The following NRXN3 variants were observed in gnomAD, a reference collection of about 807,000 sequenced individuals.
NRXN3 encodes the protein neurexin III.
Under a neutral mutation model 137.6 loss-of-function variants are expected in NRXN3, and 32 were observed. The observed-to-expected ratio is 0.23, with a 90% CI of 0.18 to 0.31. The LOEUF is 0.31. Ranked by LOEUF, NRXN3 falls within the 10% of genes least tolerant of loss-of-function variation. The pLI, the probability that NRXN3 is intolerant of heterozygous loss-of-function variation, is 1.00. For synonymous variants in NRXN3, 798 were observed against 784.5 expected (o/e 1.02, Z -0.29); for missense variants, 1,574 against 2,062.5 (o/e 0.76, Z 4.59).
At chr14:79,253,758 T>C (rs1358483057) in intron 15 of NRXN3, among the ~76,000 whole-genome samples, 1 of 152,168 alleles carries the variant, frequency 6.6e-6, no homozygotes, top group Non-Finnish European at 1.5e-5. Flanking sequence ...ACTCACTCAC[T>C]ATCATGAGAA....
At chr14:78,615,276 A>G (rs771522516) in intron 4 of NRXN3, among the ~76,000 whole-genome samples, 4 of 152,076 alleles carry the variant, frequency 2.6e-5, no homozygotes. Flanking sequence ...CAAAGATTGA[A>G]CAGATTTATT....
intron 8 of NRXN3, among the ~76,000 whole-genome samples, chr14:78,789,927 C>T (rs936699127): frequency 9.9e-5 from 15 of 152,058 alleles, no homozygotes; most frequent in Admixed American, 5.9e-4. Context: ...CTGTTTGAGT[C>T]TACAACACCC....
chr14:79,027,126 T>A (rs2099599964), intron 15 of NRXN3, among the ~76,000 whole-genome samples: 1 of 151,020 alleles, frequency 6.6e-6, no homozygotes, highest in Non-Finnish European at 1.5e-5. Context: ...CCTATATCTG[T>A]AGATATTTTA....
chr14:78,877,616 A>C (rs1473269492), intron 10 of NRXN3, among the ~76,000 whole-genome samples: 2 of 152,210 alleles, frequency 1.3e-5, no homozygotes, highest in Non-Finnish European at 2.9e-5. Context: ...AATAATGCTC[A>C]ACAAATATTT....
intron 19 of NRXN3, among the ~76,000 whole-genome samples, chr14:79,760,262 G>C (rs971266798): frequency 3.3e-5 from 5 of 151,562 alleles, no homozygotes; most frequent in Admixed American, 3.3e-4. Flanking sequence ...TAGTTAGAAA[G>C]TCTGAGAACA....
At chr14:79,093,995 T>G (rs1480432711) in intron 15 of NRXN3, among the ~76,000 whole-genome samples, 1 of 152,144 alleles carries the variant, frequency 6.6e-6, no homozygotes, top group Non-Finnish European at 1.5e-5. Context: ...AACCCAAATA[T>G]GCATTTATCA....
At chr14:79,683,512 G>C (rs1383298149) in intron 17 of NRXN3, among the ~76,000 whole-genome samples, 2 of 152,188 alleles carry the variant, frequency 1.3e-5, no homozygotes, top group Non-Finnish European at 2.9e-5. Flanking sequence ...ACCTGCCTGT[G>C]TTCCATCATT....
At chr14:79,533,523 T>C (rs1324034912) in intron 16 of NRXN3, among the ~76,000 whole-genome samples, 2 of 152,178 alleles carry the variant, frequency 1.3e-5, no homozygotes, top group Non-Finnish European at 2.9e-5. Context: ...AATTATGCTG[T>C]TATCTCCTAA....
At chr14:79,707,487 G>C (rs1356285725) in intron 19 of NRXN3, among the ~76,000 whole-genome samples, 3 of 141,788 alleles carry the variant, frequency 2.1e-5, no homozygotes, top group African/African-American at 7.7e-5. Flanking sequence ...AGGGTCCTTT[G>C]TGGAGCTATG....
chr14:78,263,715 T>G (rs1189577167), intron 2 of NRXN3, among the ~76,000 whole-genome samples: 1 of 152,212 alleles, frequency 6.6e-6, no homozygotes, highest in Non-Finnish European at 1.5e-5. Flanking sequence ...CTTCTACTAT[T>G]GTGAATGTTC....
chr14:78,781,117 TAGTG>T (rs1236147368), intron 8 of NRXN3, among the ~76,000 whole-genome samples: 2 of 152,182 alleles, frequency 1.3e-5, no homozygotes, highest in African/African-American at 4.8e-5. Context: ...CATGCAACAT[TAGTG>T]AACCTCACAG....
At chr14:79,374,021 G>T (rs560077715) in intron 15 of NRXN3, among the ~76,000 whole-genome samples, 1 of 152,050 alleles carries the variant, frequency 6.6e-6, no homozygotes, top group Non-Finnish European at 1.5e-5. Context: ...TCTATTTGTA[G>T]CAGAGTAACT....
intron 2 of NRXN3, among the ~76,000 whole-genome samples, chr14:78,273,229 G>C (rs2073064783): frequency 6.6e-6 from 1 of 152,212 alleles, no homozygotes; most frequent in African/African-American, 2.4e-5. Flanking sequence ...CCAGGATTCA[G>C]GTTCTGGCTC....
intron 15 of NRXN3, among the ~76,000 whole-genome samples, chr14:79,167,697 C>T (rs76899805): frequency 0.034 from 5,224 of 151,484 alleles, 250 homozygotes; most frequent in East Asian, 0.23. Flanking sequence ...ATTTTTTATG[C>T]CTCAACATTT....
chr14:79,608,830 G>A (rs955983798), intron 16 of NRXN3, among the ~76,000 whole-genome samples: 13 of 151,756 alleles, frequency 8.6e-5, no homozygotes, highest in African/African-American at 2.9e-4. Context: ...CTTTATGTAA[G>A]AGTCTCAGGA....
At chr14:78,917,425 C>T (rs2099258431) in intron 10 of NRXN3, among the ~76,000 whole-genome samples, 1 of 152,092 alleles carries the variant, frequency 6.6e-6, no homozygotes, top group Non-Finnish European at 1.5e-5. Flanking sequence ...TTCACCTATA[C>T]AACAGACCTG....
chr14:79,661,702 A>G (rs1382925030), intron 16 of NRXN3: 1 of 152,176 alleles, frequency 6.6e-6, no homozygotes, highest in East Asian at 1.9e-4. Flanking sequence ...ATCTTGATTT[A>G]TATGGATTCT....
At chr14:79,226,965 C>T (rs941816233) in intron 15 of NRXN3, among the ~76,000 whole-genome samples, 1 of 151,558 alleles carries the variant, frequency 6.6e-6, no homozygotes, top group Admixed American at 6.6e-5. Flanking sequence ...GGATTACAGG[C>T]ATGCACCACC....
intron 3 of NRXN3, among the ~76,000 whole-genome samples, chr14:78,281,367 C>T (rs765685762): frequency 6.6e-5 from 10 of 152,324 alleles, no homozygotes; most frequent in African/African-American, 1.9e-4. Context: ...ACTATTTACC[C>T]AGAGGCCGCT....
Sources: allele counts gnomAD v4.1 joint callset (sites outside exome capture counted in the v4.1 genomes callset), GRCh38; gene constraint gnomAD v4.1.1; transcripts MANE v1.5; gene names NCBI Gene and HGNC (gene_info 2026-07-23, HGNC 2026-07-21).